NR6A1: variants seen among roughly 807,000 people sequenced by gnomAD.
NR6A1 encodes the protein retinoic acid receptor-related testis-associated receptor.
A neutral mutation model predicts 59.1 loss-of-function variants in NR6A1; 7 were observed. The ratio of observed to expected loss-of-function variants is 0.12; its 90% CI spans 0.07 to 0.22. The LOEUF is 0.22. Ranked by LOEUF, NR6A1 falls within the 10% of genes least tolerant of loss-of-function variation. NR6A1 has a pLI of 1.00. For synonymous variants in NR6A1, 243 were observed against 236.1 expected, an observed-to-expected ratio of 1.03 and a Z score of -0.27; for missense variants, 468 against 611.6, an observed-to-expected ratio of 0.77 and a Z score of 2.48.
At chr9:124,672,469 G>C (rs556729719) in intron 2 of NR6A1, among the ~76,000 whole-genome samples, 1 of 152,184 alleles carries the variant, frequency 6.6e-6, no homozygotes, top group East Asian at 1.9e-4. Flanking sequence ...ACAAAAATTA[G>C]CCGAGTGTGA....
intron 1 of NR6A1, among the ~76,000 whole-genome samples, chr9:124,738,250 T>C (rs1840069419): frequency 6.6e-6 from 1 of 152,042 alleles, no homozygotes; most frequent in South Asian, 2.1e-4. Context: ...CAAGACTCTG[T>C]CTCAAAACAA....
chr9:124,560,831 G>A (rs1307338528), intron 2 of NR6A1, among the ~76,000 whole-genome samples: 1 of 152,162 alleles, frequency 6.6e-6, no homozygotes, highest in Non-Finnish European at 1.5e-5. Flanking sequence ...ACAGTGCTGG[G>A]ATTACAGGCA....
At chr9:124,538,977 G>GT (rs1302192380) in intron 5 of NR6A1, among the ~76,000 whole-genome samples, 1 of 151,400 alleles carries the variant, frequency 6.6e-6, no homozygotes, top group African/African-American at 2.4e-5. Context: ...GGAGGCTGAG[G>GT]TGGAAGGATC....
At chr9:124,575,517 T>C (rs1427765345) in intron 2 of NR6A1, among the ~76,000 whole-genome samples, 1 of 151,280 alleles carries the variant, frequency 6.6e-6, no homozygotes. Flanking sequence ...GAGGTTTCAA[T>C]GAGCCGAGAT....
At chr9:124,551,906 A>G (rs988230797) in intron 3 of NR6A1, among the ~76,000 whole-genome samples, 1 of 152,224 alleles carries the variant, frequency 6.6e-6, no homozygotes, top group African/African-American at 2.4e-5. Context: ...CTGCTTTCGC[A>G]GCACCAACCA....
chr9:124,667,495 C>A (rs368783703), intron 2 of NR6A1, among the ~76,000 whole-genome samples: 6 of 152,290 alleles, frequency 3.9e-5, no homozygotes, highest in Admixed American at 2.0e-4. Context: ...ATATCCCAAA[C>A]ACAAAACTAC....
rs1298743709 is a variant in NR6A1, at chr9:124,771,057, C to A, written c.63G>T (p.Leu21=). 22 of 1,230,476 alleles carry A rather than the reference C, an allele frequency of 1.8e-5. No individual in the cohort carries two copies. Among genetic ancestry groups the A allele is most frequent in the Non-Finnish European group, 2.1e-5 (21 of 987,252 alleles). The allele number at this position is 1,230,476 out of a possible 1,614,324, so 76.2% of individuals were successfully genotyped here. A position where few individuals can be genotyped will look rare whatever the true frequency, so the allele number is the denominator to read the frequency against. The stretch of plus-strand genomic sequence containing the variant: ...GCGGAGGGAGCGCGGCGGGAGGCTC[C>A]AGGAACCCCGCCGAGCCCCCGCCGC... ...GGGGGGSAGF[L]EPPAALPPPP... Residue 21 remains leucine (L), a synonymous_variant, in exon 1 of 10, where the codon CTG becomes CTT. Transcript: ENST00000487099.
chr9:124,688,167 A>T (rs1838406110), intron 2 of NR6A1, among the ~76,000 whole-genome samples: 1 of 151,988 alleles, frequency 6.6e-6, no homozygotes, highest in Admixed American at 6.6e-5. Context: ...ACAAAAAAAA[A>T]TTTCTAAATC....
rs550925261 is a variant in NR6A1 at position 124,630,890 on chromosome 9, C to A, written c.143-76320G>T. Reference sequence around the variant, plus strand: ...ACGGAGTTTTTCCACGTTGGTCAGGCTCGAACTCCTGACCTCAGGTGATCC... The same window carrying A: ...ACGGAGTTTTTCCACGTTGGTCAGGATCGAACTCCTGACCTCAGGTGATCC... On this transcript the variant is annotated intron_variant, in intron 2 of 9. Coordinates refer to ENST00000487099, the MANE Select transcript of NR6A1 (RefSeq NM_033334.4). 5.8e-4 allele frequency among the ~76,000 whole-genome samples: 88 copies of A among 151,688 alleles called. 3 individuals carry two copies. In the South Asian group the frequency reaches 7.5e-3, roughly 13 times the overall value.
chr9:124,747,923 A>C (rs1217620226), intron 1 of NR6A1, among the ~76,000 whole-genome samples: 1 of 152,214 alleles, frequency 6.6e-6, no homozygotes, highest in East Asian at 1.9e-4. Context: ...ATCCTGTTTG[A>C]TTCCCCTTTT....
intron 7 of NR6A1, among the ~76,000 whole-genome samples, chr9:124,531,575 G>A (rs550330084): frequency 1.2e-3 from 188 of 152,178 alleles, no homozygotes; most frequent in African/African-American, 4.2e-3. Flanking sequence ...CTAGCAGAGC[G>A]GTTACTGCTT....
rs540924678 is a variant in NR6A1, at chr9:124,570,689, CT to C, written c.143-16120del. Among the ~76,000 whole-genome samples, 7 of 111,340 alleles carry C rather than the reference CT, an allele frequency of 6.3e-5. No homozygotes were observed. In the East Asian group the frequency reaches 2.1e-3, roughly 33 times the overall value. 73.0% of individuals were successfully genotyped at this position (111,340 alleles called of 152,430 possible). ...CTAGTTGGAGAAATCTATTATTTGT[CT>C]TATGTCACTGGAAACTTTTAAGGAT... On this transcript the variant is annotated intron_variant, in intron 2 of 9. Coordinates refer to ENST00000487099, the MANE Select transcript of NR6A1 (RefSeq NM_033334.4).
chr9:124,718,985 A>AT (rs564517107), intron 2 of NR6A1, among the ~76,000 whole-genome samples: 1 of 151,396 alleles, frequency 6.6e-6, no homozygotes, highest in Non-Finnish European at 1.5e-5. Flanking sequence ...TGGTTATCCA[A>AT]TTTTTTTTAC....
At chr9:124,713,198 CAT>C (rs1347355789) in intron 2 of NR6A1, among the ~76,000 whole-genome samples, 1 of 151,898 alleles carries the variant, frequency 6.6e-6, no homozygotes, top group Non-Finnish European at 1.5e-5. Flanking sequence ...ATAATATCCA[CAT>C]GAGAAAAAAA....
At chr9:124,740,023 G>C (rs1840131314) in intron 1 of NR6A1, among the ~76,000 whole-genome samples, 2 of 152,288 alleles carry the variant, frequency 1.3e-5, no homozygotes, top group South Asian at 4.1e-4. Flanking sequence ...CTACAAAACA[G>C]AAGTTGTATG....
intron 2 of NR6A1, among the ~76,000 whole-genome samples, chr9:124,560,431 C>T (rs956023064): frequency 3.9e-5 from 6 of 152,072 alleles, no homozygotes; most frequent in African/African-American, 1.4e-4. Flanking sequence ...GTGTGGTCGG[C>T]GTTACATTAT....
In NR6A1 at chr9:124,762,257, T is replaced by C. The variant is rs567729939; in HGVS notation, c.100+8763A>G. On this transcript the variant is annotated intron_variant, in intron 1 of 9. Coordinates refer to ENST00000487099, the MANE Select transcript of NR6A1 (RefSeq NM_033334.4). The stretch of plus-strand genomic sequence containing the variant: ...TTTATCATACTGGAAAATAAACCTA[T>C]GAAAAATTTAAAATATTTGATAATC... Among the ~76,000 whole-genome samples the C allele has an allele frequency of 2.0e-5, 3 of 152,316 alleles. No homozygotes were observed. The South Asian group carries it at 6.2e-4, about 32-fold the overall frequency.
intron 2 of NR6A1, among the ~76,000 whole-genome samples, chr9:124,583,448 T>C (rs964408564): frequency 6.6e-6 from 1 of 152,174 alleles, no homozygotes; most frequent in Non-Finnish European, 1.5e-5. Flanking sequence ...ACCTCCAGCA[T>C]CTAGGCCTCT....
chr9:124,727,510 C>T (rs1256194503), intron 2 of NR6A1, among the ~76,000 whole-genome samples: 2 of 152,146 alleles, frequency 1.3e-5, no homozygotes, highest in South Asian at 2.1e-4. Flanking sequence ...GGTTCCATTA[C>T]GTTAACATTG....
Sources: allele counts gnomAD v4.1 joint callset (sites outside exome capture counted in the v4.1 genomes callset), GRCh38; gene constraint gnomAD v4.1.1; transcripts MANE v1.5; gene names NCBI Gene and HGNC (gene_info 2026-07-23, HGNC 2026-07-21).